Variants in PDE4B observed in about 807,000 individuals in gnomAD.
PDE4B encodes 3',5'-cyclic-AMP phosphodiesterase 4B.
Under a neutral mutation model 82.2 loss-of-function variants are expected in PDE4B, and 20 were observed. The observed-to-expected ratio is 0.24, with a 90% CI of 0.17 to 0.35. The LOEUF is 0.35. Among genes scored for constraint, PDE4B ranks in the 10% least tolerant of loss-of-function variants. The pLI is 1.00. For synonymous variants in PDE4B, 320 were observed against 318.9 expected (o/e 1.00, Z -0.04); for missense variants, 655 against 907.2 (o/e 0.72, Z 3.57).
In PDE4B at chr1:66,267,771, C is replaced by T. The variant is rs117941519; in HGVS notation, c.634+1684C>T. On this transcript the variant is annotated intron_variant, in intron 7 of 16. Coordinates refer to ENST00000341517, the MANE Select transcript of PDE4B (RefSeq NM_002600.4). ...AGTGATACCAATTACTACGTAATTA[C>T]GGGTTTCAAAATCTCCTTAACGTTT... Among the ~76,000 whole-genome samples the T allele has an allele frequency of 7.4e-4, 112 of 152,252 alleles. No homozygotes were observed. In the East Asian group the frequency reaches 7.7e-3, roughly 10 times the overall value.
At chr1:65,874,042 C>T (rs1307751964) in intron 1 of PDE4B, among the ~76,000 whole-genome samples, 1 of 151,550 alleles carries the variant, frequency 6.6e-6, no homozygotes, top group Admixed American at 6.6e-5. Context: ...ATTCTTCCTA[C>T]CCATGAGCAC....
At chr1:66,271,034 C>T (rs985115279) in intron 7 of PDE4B, among the ~76,000 whole-genome samples, 4 of 152,170 alleles carry the variant, frequency 2.6e-5, no homozygotes, top group African/African-American at 9.7e-5. Flanking sequence ...TAAAATAGCC[C>T]TCTTATGAAA....
chr1:66,286,171 T>C (rs1448193962), intron 7 of PDE4B, among the ~76,000 whole-genome samples: 2 of 152,186 alleles, frequency 1.3e-5, no homozygotes, highest in African/African-American at 4.8e-5. Context: ...TGAAGTCTAC[T>C]AGTCAATTTT....
At chr1:65,932,529 C>A (rs79823472) in intron 3 of PDE4B, among the ~76,000 whole-genome samples, 2 of 151,798 alleles carry the variant, frequency 1.3e-5, no homozygotes, top group African/African-American at 4.8e-5. Context: ...ACTGTTTTGT[C>A]TAATATACCA....
At chr1:66,020,768 A>G (rs1002137050) in intron 3 of PDE4B, among the ~76,000 whole-genome samples, 15 of 152,346 alleles carry the variant, frequency 9.8e-5, no homozygotes, top group African/African-American at 3.4e-4. Context: ...TAGTGCCACA[A>G]TAAACATAAG....
chr1:66,190,613 C>G (rs917318304), intron 3 of PDE4B, among the ~76,000 whole-genome samples: 10 of 152,324 alleles, frequency 6.6e-5, no homozygotes, highest in African/African-American at 2.4e-4. Context: ...GAGTGAGGCT[C>G]TGTGGGCATA....
intron 12 of PDE4B, among the ~76,000 whole-genome samples, chr1:66,363,790 T>C (rs1477511786): frequency 1.3e-5 from 2 of 151,922 alleles, no homozygotes. Context: ...ATAAAAAAAA[T>C]TTAAAAAGTG....
intron 3 of PDE4B, among the ~76,000 whole-genome samples, chr1:65,999,827 C>G (rs1651764573): frequency 2.0e-5 from 3 of 152,144 alleles, no homozygotes; most frequent in Admixed American, 2.0e-4. Context: ...GTTTCTGTTT[C>G]CTGCTCTTTA....
At chr1:66,120,379 TCTC>T (rs1645685349) in intron 3 of PDE4B, among the ~76,000 whole-genome samples, 1 of 152,048 alleles carries the variant, frequency 6.6e-6, no homozygotes, top group Admixed American at 6.6e-5. Flanking sequence ...TGAAGTACAT[TCTC>T]CTCCTGCCCA....
intron 3 of PDE4B, among the ~76,000 whole-genome samples, chr1:66,207,880 G>T (rs905399123): frequency 6.6e-6 from 1 of 152,132 alleles, no homozygotes; most frequent in Non-Finnish European, 1.5e-5. Flanking sequence ...CTTCAGAATT[G>T]CAGAAAGAAC....
chr1:66,000,273 T>C (rs1569933318), intron 3 of PDE4B, among the ~76,000 whole-genome samples: 1 of 152,326 alleles, frequency 6.6e-6, no homozygotes, highest in South Asian at 2.1e-4. Flanking sequence ...TTATTTTGCC[T>C]TCAAAATATT....
At chr1:66,343,555 G>T (rs770462213) in intron 8 of PDE4B, among the ~76,000 whole-genome samples, 17 of 152,148 alleles carry the variant, frequency 1.1e-4, no homozygotes, top group Non-Finnish European at 2.2e-4. Context: ...TTTTATTTAT[G>T]TCTGCTCAGA....
chr1:66,134,380 A>G (rs1646013683), intron 3 of PDE4B, among the ~76,000 whole-genome samples: 1 of 152,190 alleles, frequency 6.6e-6, no homozygotes, highest in South Asian at 2.1e-4. Flanking sequence ...GCCTTTTACC[A>G]CATCTCTCCT....
At chr1:66,226,091 A>G (rs1004901241) in intron 3 of PDE4B, among the ~76,000 whole-genome samples, 10 of 152,246 alleles carry the variant, frequency 6.6e-5, no homozygotes, top group Non-Finnish European at 1.3e-4. Flanking sequence ...AAATTCCAAC[A>G]GACCTTTTGA....
intron 3 of PDE4B, among the ~76,000 whole-genome samples, chr1:66,073,718 A>G (rs1656277678): frequency 6.6e-6 from 1 of 152,198 alleles, no homozygotes; most frequent in African/African-American, 2.4e-5. Context: ...CTGTATCAAT[A>G]GAAATGTAGT....
chr1:66,240,709 T>G (rs186438550), intron 3 of PDE4B, among the ~76,000 whole-genome samples: 61 of 152,366 alleles, frequency 4.0e-4, no homozygotes, highest in Non-Finnish European at 6.2e-4. Context: ...TGTTTCATAG[T>G]GGGTGCTTGC....
At chr1:65,990,184 A>G (rs1162505471) in intron 3 of PDE4B, among the ~76,000 whole-genome samples, 1 of 152,128 alleles carries the variant, frequency 6.6e-6, no homozygotes, top group Admixed American at 6.5e-5. Flanking sequence ...GTGGAATCCC[A>G]CGTGATGGCA....
chr1:66,058,625 G>T (rs1017688126), intron 3 of PDE4B, among the ~76,000 whole-genome samples: 1 of 152,212 alleles, frequency 6.6e-6, no homozygotes, highest in Admixed American at 6.5e-5. Flanking sequence ...ACACCATGTG[G>T]AAGCTACCAA....
At chr1:65,886,052 A>G (rs7547294) in intron 1 of PDE4B, among the ~76,000 whole-genome samples, 75,250 of 150,708 alleles carry the variant, frequency 0.5, 19,132 homozygotes, top group African/African-American at 0.57. Context: ...GAGAGTTAGT[A>G]TGAAAAAAGG....
Sources: gnomAD v4.1 joint callset for allele counts (sites outside exome capture counted in the v4.1 genomes callset) on GRCh38, gnomAD v4.1.1 for gene constraint, MANE v1.5 for transcripts, NCBI Gene and HGNC (gene_info 2026-07-23, HGNC 2026-07-21) for gene names.